PIK3C3: variants seen among roughly 807,000 people sequenced by gnomAD.
PIK3C3 encodes the protein PI3-kinase type 3.
A neutral mutation model predicts 126.1 loss-of-function variants in PIK3C3; 95 were observed. The ratio of observed to expected loss-of-function variants is 0.75; its 90% confidence interval spans 0.64 to 0.89. The LOEUF is 0.89. PIK3C3 is among the 40% of genes least tolerant of loss of function. The pLI is 0.00. For missense variants in PIK3C3, 829 were observed against 1,063.2 expected, an observed-to-expected ratio of 0.78 and a Z score of 3.06; for synonymous variants, 374 against 360.0, an observed-to-expected ratio of 1.04 and a Z score of -0.44.
intron 21 of PIK3C3, 180 bp downstream of exon 21, chr18:42,049,785 C>T (rs2144490536): frequency 4.2e-6 from 2 of 471,578 alleles, no homozygotes; most frequent in Non-Finnish European, 7.8e-6. Flanking sequence ...ACCAGCCTGA[C>T]CAACATGGAG....
At chr18:42,060,131 G>A (rs905327598) in intron 22 of PIK3C3, among the ~76,000 whole-genome samples, 2 of 152,026 alleles carry the variant, frequency 1.3e-5, no homozygotes, top group African/African-American at 4.8e-5. Flanking sequence ...TTGAAAAAAT[G>A]CCTTCAGGAT....
chr18:42,046,771 A>G (rs183826891), intron 20 of PIK3C3, among the ~76,000 whole-genome samples: 76 of 152,222 alleles, frequency 5.0e-4, no homozygotes, highest in Admixed American at 1.8e-3. Context: ...TTCAGGATGT[A>G]GCCTTGTTTA....
chr18:42,006,909 G>T (rs1982575035), intron 10 of PIK3C3, among the ~76,000 whole-genome samples: 1 of 146,472 alleles, frequency 6.8e-6, no homozygotes, highest in African/African-American at 2.5e-5. Flanking sequence ...TGTCTCCTAG[G>T]CTGGAATGCA....
intron 22 of PIK3C3, among the ~76,000 whole-genome samples, chr18:42,059,008 C>T (rs1321795965): frequency 5.9e-5 from 9 of 152,192 alleles, no homozygotes; most frequent in Non-Finnish European, 1.3e-4. Flanking sequence ...ATTACTCATA[C>T]AGTGTTTAGT....
At chr18:41,994,894 G>A (rs1215076821) in intron 7 of PIK3C3, among the ~76,000 whole-genome samples, 1 of 152,002 alleles carries the variant, frequency 6.6e-6, no homozygotes, top group Non-Finnish European at 1.5e-5. Context: ...AAATAAATTA[G>A]CCAGGTAGTG....
rs564559873 is a variant in PIK3C3, at chr18:42,005,740, A to C, written c.1170+1199A>C. On this transcript the variant is annotated intron_variant, in intron 10 of 24. Coordinates refer to ENST00000262039, the MANE Select transcript of PIK3C3 (RefSeq NM_002647.4). ...TTTGAATTAGTGGTATCTGAATTTCAAGAAGCAAATTAAATATTTATTAAA... is the reference window on the plus strand; with the variant it reads ...TTTGAATTAGTGGTATCTGAATTTCCAGAAGCAAATTAAATATTTATTAAA... 2.0e-3 allele frequency among the ~76,000 whole-genome samples: 294 copies of C among 145,396 alleles called. 3 individuals carry two copies. The highest frequency in any genetic ancestry group is 6.5e-3 in the African/African-American group (268 of 41,208).
chr18:42,078,668 T>C (rs1986127253), intron 24 of PIK3C3, among the ~76,000 whole-genome samples: 1 of 152,234 alleles, frequency 6.6e-6, no homozygotes, highest in African/African-American at 2.4e-5. Flanking sequence ...ATTAGAAGCC[T>C]GTTTCATCTG....
intron 4 of PIK3C3, among the ~76,000 whole-genome samples, chr18:41,972,502 AGAGT>A (rs1980717813): frequency 1.3e-5 from 2 of 152,090 alleles, no homozygotes; most frequent in Admixed American, 1.3e-4. Context: ...AAAATTAATG[AGAGT>A]GAGCAGCTTA....
chr18:42,055,760 A>G (rs966961564), intron 21 of PIK3C3, among the ~76,000 whole-genome samples: 2 of 152,056 alleles, frequency 1.3e-5, no homozygotes, highest in Non-Finnish European at 2.9e-5. Flanking sequence ...CAGAATGAAT[A>G]CAGTTTTGAT....
rs58697677 is a variant in PIK3C3 at position 42,084,585 on chromosome 18, C to CAAAAAAA, written c.*3463_*3469dup. ...TAGTATAGAGTAGCTAAAAACAAAC[C>CAAAAAAA]AAAAAAAAAAAAAAAAAAAAAGGAA... On this transcript the variant is annotated 3_prime_UTR_variant, in exon 25 of 25. Transcript: ENST00000262039. 2.1e-5 allele frequency: 2 copies of CAAAAAAA among 96,724 alleles called. No homozygotes were observed. Among genetic ancestry groups the CAAAAAAA allele is most frequent in the Non-Finnish European group, 4.1e-5 (2 of 48,564 alleles). 6.0% of individuals were successfully genotyped at this position (96,724 alleles called of 1,614,324 possible).
chr18:42,069,556 T>C (rs1451408149), intron 24 of PIK3C3, among the ~76,000 whole-genome samples: 2 of 152,204 alleles, frequency 1.3e-5, no homozygotes, highest in Admixed American at 6.5e-5. Context: ...GTACACCTTA[T>C]TTTTTTCTTT....
At chr18:42,056,394 T>C (rs1024529618) in intron 21 of PIK3C3, among the ~76,000 whole-genome samples, 1 of 152,138 alleles carries the variant, frequency 6.6e-6, no homozygotes, top group East Asian at 1.9e-4. Flanking sequence ...ATTCCAGTAA[T>C]TCCTGTCATG....
intron 24 of PIK3C3, among the ~76,000 whole-genome samples, chr18:42,080,421 C>T (rs1040702569): frequency 2.6e-5 from 4 of 151,468 alleles, no homozygotes; most frequent in Non-Finnish European, 2.9e-5. Flanking sequence ...CACTTTTTCT[C>T]TGAGTAATAA....
chr18:42,033,971 A>G lies in PIK3C3; in HGVS notation c.1839+14A>G, dbSNP rs1983938068. 3 of 1,560,702 alleles carry G rather than the reference A, an allele frequency of 1.9e-6. No homozygotes were observed. The highest frequency in any genetic ancestry group is 2.3e-5 in the East Asian group (1 of 42,604). ...ACACTGTTTAAAGTAATTGTGATGG[A>G]TATTTAATGTGTATGATTGGAACCT... On this transcript the variant is annotated intron_variant, in intron 16 of 24. Transcript: ENST00000262039.
At position 42,013,336 on chromosome 18, in the gene PIK3C3, G is replaced by A; in HGVS notation, c.1171-106G>A. 3 of 690,876 alleles carry A rather than the reference G, an allele frequency of 4.3e-6. No individual in the cohort carries two copies. In the African/African-American group the frequency reaches 5.7e-5, roughly 13 times the overall value. The allele number at this position is 690,876 out of a possible 1,614,324, so 42.8% of individuals were successfully genotyped here. A position where few individuals can be genotyped will look rare whatever the true frequency, so the allele number is the denominator to read the frequency against. On this transcript the variant is annotated intron_variant, in intron 10 of 24. Coordinates refer to ENST00000262039, the MANE Select transcript of PIK3C3 (RefSeq NM_002647.4). Reference sequence around the variant, plus strand: ...GTGCCAAAAGTAATACAGCTGAAAAGTGATAGATAAAAGTAAAATGTTTAC... The same window carrying A: ...GTGCCAAAAGTAATACAGCTGAAAAATGATAGATAAAAGTAAAATGTTTAC...
At chr18:42,037,429 G>A (rs1313779901) in intron 16 of PIK3C3, among the ~76,000 whole-genome samples, 1 of 152,180 alleles carries the variant, frequency 6.6e-6, no homozygotes, top group Non-Finnish European at 1.5e-5. Flanking sequence ...ACTGTCCAGC[G>A]AGTACCTGGG....
rs140849389 is a variant in PIK3C3 at position 42,032,372 on chromosome 18, A to G, written c.1708-1454A>G. 5.3e-3 allele frequency among the ~76,000 whole-genome samples: 804 copies of G among 152,328 alleles called. 3 individuals carry two copies. Among genetic ancestry groups the G allele is most frequent in the South Asian group, 0.012 (60 of 4,832 alleles). ...TATTATTTTGACTGAAACACTGAGT[A>G]AGAGTAGAAGCTATTGGAGATTTTG... On this transcript the variant is annotated intron_variant, in intron 15 of 24. Coordinates refer to ENST00000262039, the MANE Select transcript of PIK3C3 (RefSeq NM_002647.4).
intron 14 of PIK3C3, 40 bp from the exon 15 acceptor site, chr18:42,029,285 G>A (rs1301152640): frequency 3.4e-6 from 4 of 1,176,214 alleles, no homozygotes; most frequent in East Asian, 2.4e-5. Flanking sequence ...AGATCATTAC[G>A]CAACATAGAA....
chr18:41,978,886 AT>A (rs1362826350), intron 4 of PIK3C3, among the ~76,000 whole-genome samples: 7 of 151,904 alleles, frequency 4.6e-5, no homozygotes, highest in Non-Finnish European at 1.0e-4. Context: ...AAAAATTGGG[AT>A]TCTTTTGATC....
Sources: gnomAD v4.1 joint callset for allele counts (sites outside exome capture counted in the v4.1 genomes callset) on GRCh38, gnomAD v4.1.1 for gene constraint, MANE v1.5 for transcripts, NCBI Gene and HGNC (gene_info 2026-07-23, HGNC 2026-07-21) for gene names.